The following USP9X variants were observed in gnomAD, a reference collection of about 807,000 sequenced individuals.
USP9X encodes the protein ubiquitin specific peptidase 9 X-linked, also known as ubiquitin carboxyl-terminal hydrolase 9X.
A neutral mutation model predicts 190.3 loss-of-function variants in USP9X; 7 were observed. The ratio of observed to expected loss-of-function variants is 0.04; its 90% CI spans 0.02 to 0.07. The LOEUF is 0.07. Ranked by LOEUF, USP9X falls within the 10% of genes least tolerant of loss-of-function variation. USP9X has a pLI of 1.00. For synonymous variants in USP9X, 645 were observed against 659.5 expected, an observed-to-expected ratio of 0.98 and a Z score of 0.34; for missense variants, 1,010 against 1,916.9, an observed-to-expected ratio of 0.53 and a Z score of 8.83.
At chrX:41,094,404 G>T (rs2061975105) in intron 1 of USP9X, among the ~76,000 whole-genome samples, 1 of 109,106 alleles carries the variant, frequency 9.2e-6, no homozygotes, top group African/African-American at 3.3e-5. Context: ...TCGAACTCCT[G>T]ACCTCAGGTG....
In USP9X at chrX:41,223,421, T is replaced by G; in HGVS notation, c.6751+19T>G. 1 of 1,197,777 alleles carries G rather than the reference T, an allele frequency of 8.3e-7. No homozygotes were observed. Among genetic ancestry groups the G allele is most frequent in the Non-Finnish European group, 1.1e-6 (1 of 883,877 alleles). ...ATCAATGGTAAATTTGAATGCTCCATTCTTTACACTAGTTTTGTTTGTTTG... is the reference window on the plus strand; with the variant it reads ...ATCAATGGTAAATTTGAATGCTCCAGTCTTTACACTAGTTTTGTTTGTTTG... On this transcript the variant is annotated intron_variant, in intron 39 of 44. Transcript: ENST00000378308.
chrX:41,215,257 C>T (rs1015303757), intron 34 of USP9X, among the ~76,000 whole-genome samples: 14 of 112,880 alleles, frequency 1.2e-4, no homozygotes, highest in Admixed American at 1.1e-3. Context: ...ATGATTCACA[C>T]GCATTATAGT....
intron 21 of USP9X, among the ~76,000 whole-genome samples, chrX:41,181,439 T>G (rs2062825667): frequency 1.8e-5 from 1 of 55,670 alleles, no homozygotes; most frequent in Admixed American, 2.4e-4. Context: ...ACCTGACTTT[T>G]TTTTTTTTTT....
At chrX:41,122,303 G>A (rs2062197038) in intron 1 of USP9X, among the ~76,000 whole-genome samples, 2 of 111,634 alleles carry the variant, frequency 1.8e-5, no homozygotes, top group African/African-American at 6.5e-5. Flanking sequence ...TCTCTCCAAA[G>A]CGTCAAAGTT....
rs1184813385 is a variant in USP9X, at chrX:41,085,916, G to A, written c.-352G>A. On this transcript the variant is annotated 5_prime_UTR_variant, in exon 1 of 45. The change creates a new upstream start codon in the 5' untranslated region. Coordinates refer to ENST00000378308, the MANE Select transcript of USP9X (RefSeq NM_001039591.3). ...CGGCGAGGAGCGAGTTCCGGCGCCG[G>A]TGTGCAGCCTTTTGGTTGAGACGCC... 1 of 297,900 alleles carries A rather than the reference G, an allele frequency of 3.4e-6. No individual in the cohort carries two copies. Among genetic ancestry groups the A allele is most frequent in the East Asian group, 4.8e-5 (1 of 20,966 alleles). 24.6% of individuals were successfully genotyped at this position (297,900 alleles called of 1,213,427 possible). A position where few individuals can be genotyped will look rare whatever the true frequency, so the allele number is the denominator to read the frequency against.
intron 26 of USP9X, among the ~76,000 whole-genome samples, chrX:41,192,915 A>G (rs1374624782): frequency 9.0e-6 from 1 of 111,433 alleles, no homozygotes; most frequent in Non-Finnish European, 1.9e-5. Flanking sequence ...AGTGGAGTTC[A>G]TTTTTTTATA....
intron 5 of USP9X, 82 bp from the exon 6 acceptor site, chrX:41,136,722 A>T (rs1399590410): frequency 3.0e-6 from 2 of 669,233 alleles, no homozygotes; most frequent in Non-Finnish European, 4.7e-6. Flanking sequence ...ATTTGTTAGG[A>T]TACGATTAAT....
chrX:41,119,155 T>C (rs760065061), intron 1 of USP9X, among the ~76,000 whole-genome samples: 17 of 111,628 alleles, frequency 1.5e-4, no homozygotes, highest in Admixed American at 2.9e-4. Context: ...CCTTCTGGCT[T>C]AAAGCAGTTT....
intron 1 of USP9X, among the ~76,000 whole-genome samples, chrX:41,093,820 T>G (rs2061970185): frequency 8.9e-6 from 1 of 112,119 alleles, no homozygotes; most frequent in Non-Finnish European, 1.9e-5. Context: ...GAAGTTTACA[T>G]TTGAAAGGTG....
intron 31 of USP9X, 135 bp downstream of exon 31, chrX:41,201,415 A>G: frequency 1.7e-6 from 1 of 604,571 alleles, no homozygotes; most frequent in Non-Finnish European, 2.5e-6. Context: ...CCGAGCACAC[A>G]CCTGTGGTCT....
In USP9X at chrX:41,168,201, A is replaced by G. The variant is rs756388452; in HGVS notation, c.2619A>G (p.Thr873=). The change falls in exon 18 of 45, where the codon ACA becomes ACG. Residue 873 remains threonine, a synonymous_variant. Coordinates refer to ENST00000378308, the MANE Select transcript of USP9X (RefSeq NM_001039591.3). ...ACAGTGATTATCATGAGGAAAGAACAATTCTCCCTATGTCGAGGTTTGTGA... is the reference window on the plus strand; with the variant it reads ...ACAGTGATTATCATGAGGAAAGAACGATTCTCCCTATGTCGAGGTTTGTGA... ...ECDSDYHEER[T]ILPMSRAFRG... The G allele has an allele frequency of 1.1e-5, 13 of 1,200,853 alleles. No homozygotes were observed. The highest frequency in any genetic ancestry group is 1.5e-5 in the Non-Finnish European group (13 of 889,361).
intron 4 of USP9X, among the ~76,000 whole-genome samples, chrX:41,132,939 G>A (rs905230976): frequency 9.0e-6 from 1 of 111,465 alleles, no homozygotes; most frequent in African/African-American, 3.3e-5. Flanking sequence ...TTTAGGTGCA[G>A]TTGAATTATC....
intron 14 of USP9X, among the ~76,000 whole-genome samples, chrX:41,161,774 GGGTCTTGCTAT>G (rs1338591647): frequency 1.9e-5 from 2 of 103,168 alleles, no homozygotes; most frequent in Non-Finnish European, 3.9e-5. Flanking sequence ...TTTTGAGACA[GGGTCTTGCTAT>G]GTTCCCCAGG....
intron 26 of USP9X, chrX:41,195,814 C>T (rs1374046407): frequency 1.7e-5 from 5 of 285,737 alleles, no homozygotes. Flanking sequence ...GTTTGGGGAC[C>T]CCTGGTGTAA....
chrX:41,216,903 C>T (rs1373046575), intron 35 of USP9X, among the ~76,000 whole-genome samples: 1 of 109,715 alleles, frequency 9.1e-6, no homozygotes, highest in Non-Finnish European at 1.9e-5. Context: ...ATTAGCCAGG[C>T]ATGGTGGCAT....
At position 41,136,792 on chromosome X, in the gene USP9X, C is replaced by T. The variant is rs1170948141; in HGVS notation, c.436-12C>T. The T allele has an allele frequency of 8.4e-7, 1 of 1,185,826 alleles. No individual in the cohort carries two copies. The highest frequency in any genetic ancestry group is 1.7e-5 in the African/African-American group (1 of 57,226). ...TTGATCTTGTAAATCGCCTTTCCCCCTTGTATAACAGAGGTGTATTATTAA... is the reference window on the plus strand; with the variant it reads ...TTGATCTTGTAAATCGCCTTTCCCCTTTGTATAACAGAGGTGTATTATTAA... On this transcript the variant is annotated splice_polypyrimidine_tract_variant and intron_variant, in intron 5 of 44. Coordinates refer to ENST00000378308, the MANE Select transcript of USP9X (RefSeq NM_001039591.3).
intron 42 of USP9X, 28 bp from the exon 43 acceptor site, chrX:41,229,539 A>G (rs2063342978): frequency 8.3e-7 from 1 of 1,202,731 alleles, no homozygotes; most frequent in African/African-American, 1.7e-5. Context: ...AAATCCTCTT[A>G]TCTATATGGT....
At chrX:41,184,305 A>C in intron 22 of USP9X, 92 bp from the exon 23 acceptor site, 1 of 1,043,531 alleles carries the variant, frequency 9.6e-7, no homozygotes, top group South Asian at 2.4e-5. Flanking sequence ...GATGGTCAAG[A>C]GTTTCTTGGC....
At chrX:41,209,152 C>T (rs2063135861) in intron 32 of USP9X, among the ~76,000 whole-genome samples, 2 of 111,555 alleles carry the variant, frequency 1.8e-5, no homozygotes, top group Admixed American at 9.6e-5. Context: ...AATATAATAA[C>T]GATTTTTAAT....
Sources: allele counts gnomAD v4.1 joint callset (sites outside exome capture counted in the v4.1 genomes callset), GRCh38; gene constraint gnomAD v4.1.1; transcripts MANE v1.5; gene names NCBI Gene and HGNC (gene_info 2026-07-23, HGNC 2026-07-21).